CLCN2: variants seen among roughly 807,000 people sequenced by gnomAD.
CLCN2 encodes the protein chloride voltage-gated channel 2.
CLCN2 carries 72 observed loss-of-function variants against 108.3 expected under a neutral mutation model. The observed-to-expected ratio is 0.66, with a 90% CI of 0.55 to 0.81. The LOEUF (loss-of-function observed/expected upper bound fraction) is 0.81, where lower values mean the gene tolerates loss of function less well. Ranked by LOEUF, CLCN2 falls within the 30% of genes least tolerant of loss-of-function variation. The pLI, the probability that CLCN2 is intolerant of heterozygous loss-of-function variation, is 0.00. For missense variants in CLCN2, 1,048 were observed against 1,205.2 expected (o/e 0.87, Z 1.93); for synonymous variants, 471 against 467.1 (o/e 1.01, Z -0.11).
Position 184,353,245 on chromosome 3 carries a change from C to T in CLCN2, c.2028+5G>A. The T allele has an allele frequency of 1.2e-6, 2 of 1,614,074 alleles. No individual in the cohort carries two copies. Among genetic ancestry groups the T allele is most frequent in the Non-Finnish European group, 1.7e-6 (2 of 1,179,978 alleles). ...TTAGGAAGCGTTTGTGGCTTTTCCC[C>T]TCACCTGGAAGCAGACAGAAGCCTC... On this transcript the variant is annotated splice_donor_5th_base_variant and intron_variant, in intron 17 of 23. Coordinates refer to ENST00000265593, the MANE Select transcript of CLCN2 (RefSeq NM_004366.6).
intron 22 of CLCN2, among the ~76,000 whole-genome samples, chr3:184,351,471 C>A (rs1044684350): frequency 6.6e-5 from 10 of 152,192 alleles, no homozygotes; most frequent in Non-Finnish European, 1.2e-4. Context: ...TTCCCGCGTC[C>A]GTACCAGTTT....
At chr3:184,359,413 AG>A in intron 1 of CLCN2, among the ~76,000 whole-genome samples, 1 of 152,312 alleles carries the variant, frequency 6.6e-6, no homozygotes, top group East Asian at 1.9e-4. Flanking sequence ...GGGGCACTGA[AG>A]AGGAGTGAGA....
chr3:184,352,217 C>T, intron 21 of CLCN2, 76 bp downstream of exon 21: 1 of 1,604,854 alleles, frequency 6.2e-7, no homozygotes, highest in Non-Finnish European at 8.5e-7. Flanking sequence ...GTGGTCCCTC[C>T]CATGGGGACA....
Position 184,359,141 on chromosome 3 carries a change from C to G in CLCN2, c.64-10G>C, listed in dbSNP as rs781235599. 1 of 1,613,610 alleles carries G rather than the reference C, an allele frequency of 6.2e-7. No individual in the cohort carries two copies. The highest frequency in any genetic ancestry group is 8.5e-7 in the Non-Finnish European group (1 of 1,180,040). On this transcript the variant is annotated splice_polypyrimidine_tract_variant and intron_variant, in intron 1 of 23. Coordinates refer to ENST00000265593, the MANE Select transcript of CLCN2 (RefSeq NM_004366.6). ...TGTACCGGCCATACATCTGGAGCAA[C>G]AGAGGGGATGGGGGCATTCGAGGTC...
intron 22 of CLCN2, among the ~76,000 whole-genome samples, chr3:184,351,573 A>C (rs1030146741): frequency 6.6e-6 from 1 of 152,132 alleles, no homozygotes; most frequent in Admixed American, 6.5e-5. Flanking sequence ...TCTACTCTGC[A>C]GTCTCCCCAC....
chr3:184,358,636 C>T (rs1174698738), intron 3 of CLCN2, 46 bp downstream of exon 3: 2 of 1,552,020 alleles, frequency 1.3e-6, no homozygotes, highest in South Asian at 1.2e-5. Context: ...GGCATGGACG[C>T]AGGAGGTTTA....
Position 184,359,091 on chromosome 3 carries a change from T to C in CLCN2, c.104A>G (p.Lys35Arg), listed in dbSNP as rs1165093104. The change falls in exon 2 of 24, where the codon AAA (lysine) becomes AGA (arginine). Residue 35 changes from lysine (K) to arginine (R), a missense_variant. Physicochemically the swap from Lys to Arg is conservative, Grantham distance 26. Transcript: ENST00000265593. The stretch of plus-strand genomic sequence containing the variant: ...CAGGCGAATCCGAGCAGCTTCCTCT[T>C]TGGCAAAGGCCCCAAGGTCCTGAGT... ...RYTQDLGAFAKEEAARIRLGG... is the reference protein window; with the variant it reads ...RYTQDLGAFAREEAARIRLGG... The C allele has an allele frequency of 1.9e-6, 3 of 1,613,728 alleles. No individual in the cohort carries two copies. Among genetic ancestry groups the C allele is most frequent in the Non-Finnish European group, 2.5e-6 (3 of 1,180,022 alleles).
chr3:184,360,776 G>C (rs1711961892), intron 1 of CLCN2, among the ~76,000 whole-genome samples: 1 of 152,170 alleles, frequency 6.6e-6, no homozygotes, highest in South Asian at 2.1e-4. Flanking sequence ...ACACACCCTG[G>C]GGTGGGTGGG....
chr3:184,361,294 A>C lies in CLCN2; in HGVS notation c.63+123T>G. The C allele has an allele frequency of 9.4e-7, 1 of 1,065,924 alleles. No individual in the cohort carries two copies. The highest frequency in any genetic ancestry group is 2.0e-4 in the Middle Eastern group (1 of 4,998). 66.0% of individuals were successfully genotyped at this position (1,065,924 alleles called of 1,614,324 possible). A position where few individuals can be genotyped will look rare whatever the true frequency, so the allele number is the denominator to read the frequency against. On this transcript the variant is annotated intron_variant, in intron 1 of 23. Coordinates refer to ENST00000265593, the MANE Select transcript of CLCN2 (RefSeq NM_004366.6). The surrounding 1 kb of genome is among the most constrained non-coding windows in gnomAD (Gnocchi z 6.6). ...CTGCAGCCTCAGACTTCCAAGCCTC[A>C]GTTTCCCCAGCTCAAAATGCTAGGA... is the stretch of plus-strand genomic sequence containing the variant.
Position 184,358,038 on chromosome 3 carries a change from A to G in CLCN2, c.539T>C (p.Leu180Pro). ...ILRGVVLKEYLTLKTFIAKVI... is the reference protein window; with the variant it reads ...ILRGVVLKEYPTLKTFIAKVI... Reference sequence around the variant, plus strand: ...CTTAGCTATAAAGGTCTTGAGTGTGAGGTATTCTTTCAGCACCACTCCCCG... The same window carrying G: ...CTTAGCTATAAAGGTCTTGAGTGTGGGGTATTCTTTCAGCACCACTCCCCG... Residue 180 changes from leucine to proline, a missense_variant, in exon 5 of 24, where the codon CTC (leucine) becomes CCC (proline). Coordinates refer to ENST00000265593, the MANE Select transcript of CLCN2 (RefSeq NM_004366.6). 1 of 1,614,074 alleles carries G rather than the reference A, an allele frequency of 6.2e-7. No individual in the cohort carries two copies. Among genetic ancestry groups the G allele is most frequent in the South Asian group, 1.1e-5 (1 of 91,078 alleles).
At position 184,354,277 on chromosome 3, in the gene CLCN2, C is replaced by T. The variant is rs1293862790; in HGVS notation, c.1545G>A (p.Val515=). The T allele has an allele frequency of 8.7e-6, 14 of 1,613,072 alleles. No individual in the cohort carries two copies. Among genetic ancestry groups the T allele is most frequent in the Non-Finnish European group, 1.2e-5 (14 of 1,179,962 alleles). The change falls in exon 15 of 24, where the codon GTG becomes GTA. Residue 515 remains valine, a synonymous_variant. Coordinates refer to ENST00000265593, the MANE Select transcript of CLCN2 (RefSeq NM_004366.6). ...GCTCGAACACGATCACAGCCGTGGACACTGTGTGTGTCACCGCTCCTGCCA... is the reference window on the plus strand; with the variant it reads ...GCTCGAACACGATCACAGCCGTGGATACTGTGTGTGTCACCGCTCCTGCCA... The part of the protein sequence containing the change: ...AALAGAVTHT[V]STAVIVFELT...
At chr3:184,351,922 C>A in intron 22 of CLCN2, 91 bp downstream of exon 22, 1 of 922,846 alleles carries the variant, frequency 1.1e-6, no homozygotes, top group South Asian at 1.3e-5. Flanking sequence ...CCTCCTTCCC[C>A]ACTGGCCTGA....
In CLCN2 at chr3:184,358,295, G is replaced by A. The variant is rs202031742; in HGVS notation, c.368C>T (p.Ser123Phe). The part of the protein sequence containing the change: ...AACLQAQQWM[S>F]RGLNTSILLQ... ...CAAGATGCTGGTGTTCAAGCCCCGG[G>A]ACATCCACTGCTGGGCTGTGGGAAG... Residue 123 changes from serine (S) to phenylalanine (F), a missense_variant, in exon 4 of 24, where the codon TCC (serine) becomes TTC (phenylalanine). Physicochemically the swap from Ser to Phe is radical, Grantham distance 155. Transcript: ENST00000265593. The A allele has an allele frequency of 7.4e-6, 12 of 1,614,036 alleles. No individual in the cohort carries two copies. The highest frequency in any genetic ancestry group is 1.7e-5 in the Admixed American group (1 of 60,022).
At chr3:184,351,396 CCAGG>C (rs1253049706) in intron 22 of CLCN2, among the ~76,000 whole-genome samples, 1 of 152,172 alleles carries the variant, frequency 6.6e-6, no homozygotes, top group Admixed American at 6.5e-5. Context: ...CTCGCCCACC[CCAGG>C]CAGTCTGCTC....
In CLCN2 at chr3:184,355,043, G is replaced by C; in HGVS notation, c.1327-70C>G. On this transcript the variant is annotated intron_variant, in intron 12 of 23. Transcript: ENST00000265593. This position sits in a 1 kb window ranked among gnomAD's most constrained non-coding sequence, Gnocchi z 6.3. ...CCCAGGCAGCCCACAGCGCCACCCAGGAGAAGTCTACCTCGCTGATCAGGT... is the reference window on the plus strand; with the variant it reads ...CCCAGGCAGCCCACAGCGCCACCCACGAGAAGTCTACCTCGCTGATCAGGT... The C allele has an allele frequency of 7.0e-7, 1 of 1,431,258 alleles. No individual in the cohort carries two copies. Among genetic ancestry groups the C allele is most frequent in the South Asian group, 1.1e-5 (1 of 87,170 alleles). 88.7% of individuals were successfully genotyped at this position (1,431,258 alleles called of 1,614,324 possible).
At chr3:184,351,226 C>T (rs1728067238) in intron 22 of CLCN2, among the ~76,000 whole-genome samples, 1 of 152,274 alleles carries the variant, frequency 6.6e-6, no homozygotes, top group East Asian at 1.9e-4. Context: ...TCCCCTCCCC[C>T]AAACCCCCCA....
At chr3:184,360,985 C>T (rs928106676) in intron 1 of CLCN2, among the ~76,000 whole-genome samples, 1 of 152,200 alleles carries the variant, frequency 6.6e-6, no homozygotes, top group African/African-American at 2.4e-5. Flanking sequence ...TCTACACACT[C>T]GATTCTATGC....
chr3:184,354,474 C>A lies in CLCN2; in HGVS notation c.1507+74G>T, dbSNP rs1728375872. 5 of 1,384,992 alleles carry A rather than the reference C, an allele frequency of 3.6e-6. No homozygotes were observed. In the East Asian group the frequency reaches 1.2e-4, roughly 33 times the overall value. The allele number at this position is 1,384,992 out of a possible 1,614,324, so 85.8% of individuals were successfully genotyped here. ...GCCTGGTTTCTGCCAGCAGGGGGCA[C>A]CAGAGTCTCGGACCCTGTGGCTGGG... On this transcript the variant is annotated intron_variant, in intron 14 of 23. Transcript: ENST00000265593.
chr3:184,355,312 G>A lies in CLCN2; in HGVS notation c.1326+62C>T, dbSNP rs768091856. 10 of 1,548,248 alleles carry A rather than the reference G, an allele frequency of 6.5e-6. No homozygotes were observed. The highest frequency in any genetic ancestry group is 2.0e-4 in the Middle Eastern group (1 of 5,056). On this transcript the variant is annotated intron_variant, in intron 12 of 23. Transcript: ENST00000265593. The surrounding 1 kb of genome is among the most constrained non-coding windows in gnomAD (Gnocchi z 6.3). ...AGAGGCTTCGAGGAGTGAGCACTGC[G>A]TGGCAGGTGCTTAGAAGGGCAAGCT...
Sources: gnomAD v4.1 joint callset for allele counts (sites outside exome capture counted in the v4.1 genomes callset) on GRCh38, gnomAD v4.1.1 for gene constraint, Gnocchi (gnomAD v3.1) non-coding constraint, MANE v1.5 for transcripts, NCBI Gene and HGNC (gene_info 2026-07-23, HGNC 2026-07-21) for gene names.